Variants in EPM2A observed in about 807,000 individuals in gnomAD.
EPM2A encodes the protein EPM2A glucan phosphatase, laforin, also known as laforin.
A neutral mutation model predicts 26.5 loss-of-function variants in EPM2A; 21 were observed. That is an observed-to-expected ratio of 0.79 (90% CI 0.56 to 1.14). EPM2A has a LOEUF of 1.14. Among genes scored for constraint, EPM2A ranks in the 50% most tolerant of loss-of-function variants. The probability of loss-of-function intolerance (pLI) is 0.00; values close to 1 mark genes in which losing one functional copy is unlikely to be tolerated. For missense variants in EPM2A, 458 were observed against 440.8 expected (o/e 1.04, Z -0.35); for synonymous variants, 217 against 177.6 (o/e 1.22, Z -1.76).
At chr6:145,730,520 G>A (rs1337930009) in intron 1 of EPM2A, among the ~76,000 whole-genome samples, 1 of 152,198 alleles carries the variant, frequency 6.6e-6, no homozygotes, top group Non-Finnish European at 1.5e-5. Context: ...TTGTGGGAAA[G>A]CCTAGCTTGA....
intron 1 of EPM2A, among the ~76,000 whole-genome samples, chr6:145,696,775 A>G (rs112004455): frequency 1.6e-3 from 222 of 135,304 alleles, no homozygotes; most frequent in Middle Eastern, 3.8e-3. Flanking sequence ...AGGTAGGGGT[A>G]TGTGTGTGTG....
intron 1 of EPM2A, chr6:145,720,957 T>A (rs1487119476): frequency 2.0e-5 from 3 of 152,000 alleles, no homozygotes; most frequent in Non-Finnish European, 4.4e-5. Context: ...GCTTCAGGAG[T>A]TCGAGACAGG....
intron 1 of EPM2A, 125 bp from the exon 2 acceptor site, chr6:145,686,421 T>C: frequency 1.3e-6 from 1 of 757,684 alleles, no homozygotes; most frequent in Middle Eastern, 3.1e-4. Flanking sequence ...ATCTACACAT[T>C]TCAGTATAAA....
chr6:145,680,031 C>A (rs1449196580), intron 2 of EPM2A: 1 of 151,872 alleles, frequency 6.6e-6, no homozygotes, highest in Non-Finnish European at 1.5e-5. Flanking sequence ...ATAGATAATA[C>A]CTAGATCTAA....
intron 2 of EPM2A, among the ~76,000 whole-genome samples, chr6:145,564,230 T>C (rs1284303980): frequency 6.6e-6 from 1 of 152,228 alleles, no homozygotes; most frequent in African/African-American, 2.4e-5. Context: ...AAGCTAACTG[T>C]ATATATTCAA....
At chr6:145,559,053 G>A (rs1780770190) in intron 2 of EPM2A, among the ~76,000 whole-genome samples, 1 of 152,130 alleles carries the variant, frequency 6.6e-6, no homozygotes, top group South Asian at 2.1e-4. Flanking sequence ...TGAAGGCAGA[G>A]ATGTTGTCTT....
At chr6:145,562,661 C>T (rs1238248453) in intron 2 of EPM2A, among the ~76,000 whole-genome samples, 2 of 152,012 alleles carry the variant, frequency 1.3e-5, no homozygotes, top group Non-Finnish European at 2.9e-5. Context: ...AGTCCCCTGC[C>T]CACATTAGTT....
intron 4 of EPM2A, among the ~76,000 whole-genome samples, chr6:145,406,407 C>T (rs1348632238): frequency 6.6e-6 from 1 of 152,166 alleles, no homozygotes; most frequent in Non-Finnish European, 1.5e-5. Flanking sequence ...AATAATGGCA[C>T]TGTTATTGAA....
At chr6:145,441,770 G>A (rs1160810514) in intron 4 of EPM2A, among the ~76,000 whole-genome samples, 1 of 152,168 alleles carries the variant, frequency 6.6e-6, no homozygotes, top group Non-Finnish European at 1.5e-5. Context: ...GCTGAGGCAG[G>A]AGAATCACTT....
intron 2 of EPM2A, among the ~76,000 whole-genome samples, chr6:145,536,337 C>T (rs1286669404): frequency 6.6e-6 from 1 of 151,536 alleles, no homozygotes; most frequent in Admixed American, 6.6e-5. Context: ...ACTCTGTCAC[C>T]CAGGCTGGAG....
intron 2 of EPM2A, among the ~76,000 whole-genome samples, chr6:145,530,641 G>C (rs1408387610): frequency 6.6e-6 from 1 of 152,016 alleles, no homozygotes; most frequent in Non-Finnish European, 1.5e-5. Context: ...ATTGTGAAGA[G>C]TAACTGAGAT....
intron 2 of EPM2A, among the ~76,000 whole-genome samples, chr6:145,531,057 G>A (rs1780348352): frequency 6.6e-6 from 1 of 152,160 alleles, no homozygotes; most frequent in African/African-American, 2.4e-5. Context: ...TCTCCACTAT[G>A]GGAGTTCCGT....
chr6:145,388,929 T>C (rs185457295), intron 4 of EPM2A, among the ~76,000 whole-genome samples: 8 of 152,222 alleles, frequency 5.3e-5, no homozygotes, highest in African/African-American at 1.9e-4. Context: ...GGCTTTTGGG[T>C]TGGTTCCAAG....
At chr6:145,523,061 C>T (rs1780225179) in intron 2 of EPM2A, among the ~76,000 whole-genome samples, 1 of 152,158 alleles carries the variant, frequency 6.6e-6, no homozygotes, top group African/African-American at 2.4e-5. Context: ...TATCTATATT[C>T]AGACATTTTC....
At chr6:145,595,327 AG>A (rs1315557775) in intron 2 of EPM2A, among the ~76,000 whole-genome samples, 2 of 151,880 alleles carry the variant, frequency 1.3e-5, no homozygotes, top group East Asian at 3.9e-4. Context: ...ATGGCTAAAG[AG>A]GGGCATTACA....
At chr6:145,409,015 CA>C (rs781302706) in intron 4 of EPM2A, among the ~76,000 whole-genome samples, 120 of 152,018 alleles carry the variant, frequency 7.9e-4, no homozygotes, top group Non-Finnish European at 1.3e-3. Context: ...GTACTAATAC[CA>C]AAAAAATTAT....
chr6:145,433,597 A>C (rs1778949148), intron 4 of EPM2A, among the ~76,000 whole-genome samples: 1 of 152,116 alleles, frequency 6.6e-6, no homozygotes, highest in African/African-American at 2.4e-5. Flanking sequence ...TTCTTTTTAT[A>C]GTTTAAACCT....
chr6:145,507,438 G>C (rs904196062), intron 2 of EPM2A, among the ~76,000 whole-genome samples: 1 of 152,144 alleles, frequency 6.6e-6, no homozygotes, highest in Non-Finnish European at 1.5e-5. Context: ...AGTCTCCCTT[G>C]GTGATTCACC....
chr6:145,521,310 T>C (rs911856274), intron 2 of EPM2A, among the ~76,000 whole-genome samples: 13 of 152,154 alleles, frequency 8.5e-5, no homozygotes, highest in Non-Finnish European at 1.8e-4. Context: ...GGCATTGAGA[T>C]TTTGAAAGCA....
Sources: allele counts gnomAD v4.1 joint callset (sites outside exome capture counted in the v4.1 genomes callset), GRCh38; gene constraint gnomAD v4.1.1; transcripts MANE v1.5; gene names NCBI Gene and HGNC (gene_info 2026-07-23, HGNC 2026-07-21).